Variants in EPHB1 observed in about 807,000 individuals in gnomAD.
EPHB1 encodes EPH receptor B1.
A neutral mutation model predicts 94.4 loss-of-function variants in EPHB1; 30 were observed. The ratio of observed to expected loss-of-function variants is 0.32; its 90% CI spans 0.24 to 0.43. EPHB1 has a LOEUF of 0.43. Among genes scored for constraint, EPHB1 ranks in the 20% least tolerant of loss-of-function variants. The pLI, the probability that EPHB1 is intolerant of heterozygous loss-of-function variation, is 1.00. For synonymous variants in EPHB1, 522 were observed against 489.1 expected (o/e 1.07, Z -0.89); for missense variants, 1,055 against 1,308.3 (o/e 0.81, Z 2.99).
intron 3 of EPHB1, among the ~76,000 whole-genome samples, chr3:135,053,503 T>C (rs967246524): frequency 6.6e-6 from 1 of 152,168 alleles, no homozygotes; most frequent in African/African-American, 2.4e-5. Context: ...TGTAACAGTG[T>C]AAGACTGGCA....
At chr3:135,153,450 T>C (rs768074753) in intron 5 of EPHB1, among the ~76,000 whole-genome samples, 3 of 152,254 alleles carry the variant, frequency 2.0e-5, no homozygotes, top group Non-Finnish European at 2.9e-5. Flanking sequence ...GAATCAACTT[T>C]ACAGATTTTG....
intron 3 of EPHB1, among the ~76,000 whole-genome samples, chr3:135,040,920 T>A: frequency 6.6e-6 from 1 of 152,176 alleles, no homozygotes; most frequent in Non-Finnish European, 1.5e-5. Flanking sequence ...TCCTTCCCCT[T>A]CCTACCACAT....
At chr3:134,970,959 T>A (rs960290118) in intron 3 of EPHB1, among the ~76,000 whole-genome samples, 1 of 152,234 alleles carries the variant, frequency 6.6e-6, no homozygotes, top group Non-Finnish European at 1.5e-5. Flanking sequence ...CTCACCCCGA[T>A]ACCTCTTGAA....
intron 1 of EPHB1, among the ~76,000 whole-genome samples, chr3:134,887,100 G>C (rs2037877010): frequency 6.6e-6 from 1 of 152,318 alleles, no homozygotes; most frequent in African/African-American, 2.4e-5. Context: ...TCTGTGGGTT[G>C]GCCAGGTCGT....
intron 3 of EPHB1, among the ~76,000 whole-genome samples, chr3:134,965,099 T>C (rs4955527): frequency 0.49 from 74,734 of 152,026 alleles, 19,167 homozygotes; most frequent in African/African-American, 0.62. Flanking sequence ...AAACTGTCTT[T>C]GTAGGATGCC....
intron 1 of EPHB1, among the ~76,000 whole-genome samples, chr3:134,880,938 G>A (rs1004588046): frequency 2.0e-5 from 3 of 152,236 alleles, no homozygotes; most frequent in African/African-American, 7.2e-5. Flanking sequence ...ATGGCCAAGG[G>A]TTCTGGGAGT....
chr3:134,892,105 G>A (rs891069776), intron 1 of EPHB1, among the ~76,000 whole-genome samples: 9 of 152,216 alleles, frequency 5.9e-5, no homozygotes, highest in African/African-American at 1.9e-4. Flanking sequence ...TTCTTTTTCA[G>A]AGTTGAATTT....
intron 3 of EPHB1, among the ~76,000 whole-genome samples, chr3:135,098,612 T>C (rs930536087): frequency 2.6e-5 from 4 of 151,342 alleles, no homozygotes; most frequent in Admixed American, 6.6e-5. Context: ...ACCTGCTTGC[T>C]TTTTTTTTCT....
chr3:135,146,907 G>A (rs60752398), intron 5 of EPHB1, among the ~76,000 whole-genome samples: 2,907 of 152,276 alleles, frequency 0.019, 81 homozygotes, highest in African/African-American at 0.067. Flanking sequence ...AGCCTGGCAG[G>A]TGGGATCTGG....
At chr3:134,802,414 C>T (rs977015638) in intron 1 of EPHB1, among the ~76,000 whole-genome samples, 1 of 151,724 alleles carries the variant, frequency 6.6e-6, no homozygotes, top group African/African-American at 2.4e-5. Context: ...GCATGGTGAC[C>T]CTTTGGCAAA....
intron 9 of EPHB1, 23 bp from the exon 10 acceptor site, chr3:135,179,837 C>A (rs772021199): frequency 1.2e-5 from 19 of 1,613,194 alleles, no homozygotes; most frequent in Non-Finnish European, 1.6e-5. Flanking sequence ...GGGATGTTAA[C>A]CCTGCTTATC....
intron 5 of EPHB1, among the ~76,000 whole-genome samples, chr3:135,143,057 A>G (rs1940881918): frequency 6.6e-6 from 1 of 151,972 alleles, no homozygotes; most frequent in Non-Finnish European, 1.5e-5. Context: ...CTGCAAGGCA[A>G]AGGTGTCCTC....
At chr3:135,018,556 T>C (rs983097953) in intron 3 of EPHB1, among the ~76,000 whole-genome samples, 2 of 152,188 alleles carry the variant, frequency 1.3e-5, no homozygotes, top group African/African-American at 4.8e-5. Flanking sequence ...CCCAGCTCCC[T>C]ACAGCTTCCC....
At chr3:135,050,240 T>C (rs1471294776) in intron 3 of EPHB1, among the ~76,000 whole-genome samples, 3 of 152,228 alleles carry the variant, frequency 2.0e-5, no homozygotes, top group Admixed American at 6.5e-5. Context: ...TTGATGACTT[T>C]AGATCCTAAC....
At chr3:134,813,415 G>A (rs1391546742) in intron 1 of EPHB1, among the ~76,000 whole-genome samples, 1 of 152,168 alleles carries the variant, frequency 6.6e-6, no homozygotes, top group Non-Finnish European at 1.5e-5. Context: ...CAAGGGTCCT[G>A]CTTCTCCAGG....
intron 1 of EPHB1, among the ~76,000 whole-genome samples, chr3:134,842,157 G>C (rs1400147894): frequency 6.6e-6 from 1 of 152,166 alleles, no homozygotes; most frequent in Non-Finnish European, 1.5e-5. Flanking sequence ...GAGCTAACTT[G>C]CTCCTTCCAC....
chr3:134,969,771 C>T (rs1397321438), intron 3 of EPHB1, among the ~76,000 whole-genome samples: 1 of 152,058 alleles, frequency 6.6e-6, no homozygotes, highest in Non-Finnish European at 1.5e-5. Context: ...AGAAGAATAT[C>T]CCACTGGAGT....
At chr3:135,053,056 A>ATATATATATATATATATAT (rs1937239893) in intron 3 of EPHB1, among the ~76,000 whole-genome samples, 2 of 70,068 alleles carry the variant, frequency 2.9e-5, no homozygotes, top group African/African-American at 1.3e-4. Flanking sequence ...TATATATATA[A>ATATATATATATATATATAT]AGTTGGTGTG....
chr3:134,846,782 A>G (rs1240778929), intron 1 of EPHB1, among the ~76,000 whole-genome samples: 1 of 152,180 alleles, frequency 6.6e-6, no homozygotes. Context: ...ACCCTGGTCC[A>G]TCATTGAGGT....
Sources: allele counts gnomAD v4.1 joint callset (sites outside exome capture counted in the v4.1 genomes callset), GRCh38; gene constraint gnomAD v4.1.1; transcripts MANE v1.5; gene names NCBI Gene and HGNC (gene_info 2026-07-23, HGNC 2026-07-21).